Variants in ANK3 observed in about 807,000 individuals in gnomAD.
The protein encoded by ANK3 is ankyrin-3.
ANK3 carries 57 observed loss-of-function variants against 370.9 expected under a neutral mutation model. That is an observed-to-expected ratio of 0.15 (90% CI 0.12 to 0.19). The LOEUF is 0.19. Ranked by LOEUF, ANK3 falls within the 10% of genes least tolerant of loss-of-function variation. The probability of loss-of-function intolerance (pLI) is 1.00; values close to 1 mark genes in which losing one functional copy is unlikely to be tolerated. For synonymous variants in ANK3, 1,929 were observed against 1,946.3 expected, an observed-to-expected ratio of 0.99 and a Z score of 0.23; for missense variants, 4,439 against 5,302.1, an observed-to-expected ratio of 0.84 and a Z score of 5.06.
chr10:60,461,520 C>G (rs2064883688), intron 2 of ANK3, among the ~76,000 whole-genome samples: 1 of 151,928 alleles, frequency 6.6e-6, no homozygotes, highest in Non-Finnish European at 1.5e-5. Flanking sequence ...CAGGGTGGGC[C>G]CAATAATGCA....
chr10:60,501,923 T>C (rs1285732460), intron 2 of ANK3, among the ~76,000 whole-genome samples: 1 of 152,026 alleles, frequency 6.6e-6, no homozygotes, highest in Non-Finnish European at 1.5e-5. Context: ...GAGTTTGAGG[T>C]TGCAGTGAGC....
Position 60,075,658 on chromosome 10 carries a change from T to C in ANK3, c.5223A>G (p.Leu1741=). ...LINGCKATAT[L]QEKISSATNS... is the part of the protein sequence containing the mutation. The stretch of plus-strand genomic sequence containing the variant: ...TTGTAGCAGAAGAAATTTTTTCCTG[T>C]AACGTGGCAGTGGCTTTGCATCCAT... The change falls in exon 37 of 44, where the codon TTA becomes TTG. Residue 1741 remains leucine (L), a synonymous_variant. Coordinates refer to ENST00000280772, the MANE Select transcript of ANK3 (RefSeq NM_020987.5). 1 of 1,614,170 alleles carries C rather than the reference T, an allele frequency of 6.2e-7. No individual in the cohort carries two copies. Among genetic ancestry groups the C allele is most frequent in the Non-Finnish European group, 8.5e-7 (1 of 1,180,004 alleles).
At chr10:60,444,742 T>C (rs2064396976) in intron 2 of ANK3, among the ~76,000 whole-genome samples, 1 of 152,144 alleles carries the variant, frequency 6.6e-6, no homozygotes, top group African/African-American at 2.4e-5. Flanking sequence ...ATTCCTTTTT[T>C]CTTTAGTATG....
chr10:60,535,447 G>T (rs555892934), intron 2 of ANK3, among the ~76,000 whole-genome samples: 2 of 152,038 alleles, frequency 1.3e-5, no homozygotes, highest in Non-Finnish European at 2.9e-5. Context: ...TGAAGAGATC[G>T]TTATTTTCCC....
chr10:60,145,620 T>A (rs1175397365), intron 23 of ANK3, among the ~76,000 whole-genome samples: 1 of 152,278 alleles, frequency 6.6e-6, no homozygotes, highest in East Asian at 1.9e-4. Context: ...CATTTCAAAA[T>A]AAAACACAGT....
chr10:60,144,195 G>A (rs917377868), intron 23 of ANK3: 14 of 446,942 alleles, frequency 3.1e-5, no homozygotes, highest in Middle Eastern at 3.4e-4. Context: ...ACTGAGTTTC[G>A]GGGAGGCTGT....
chr10:60,556,998 A>G (rs1213320776), intron 2 of ANK3, among the ~76,000 whole-genome samples: 1 of 152,160 alleles, frequency 6.6e-6, no homozygotes, highest in East Asian at 1.9e-4. Flanking sequence ...ATGCCTGATG[A>G]TCTGAGGTGG....
At chr10:60,583,661 G>A (rs1462604575) in intron 2 of ANK3, among the ~76,000 whole-genome samples, 1 of 151,788 alleles carries the variant, frequency 6.6e-6, no homozygotes, top group East Asian at 1.9e-4. Flanking sequence ...TTGGCTCACT[G>A]CAACCTCCGC....
At chr10:60,637,673 T>C (rs1170652379) in intron 1 of ANK3, among the ~76,000 whole-genome samples, 1 of 152,182 alleles carries the variant, frequency 6.6e-6, no homozygotes, top group Non-Finnish European at 1.5e-5. Context: ...AAATAAATCA[T>C]GGAGCCTCTT....
At chr10:60,612,697 T>C (rs1183851579) in intron 2 of ANK3, among the ~76,000 whole-genome samples, 1 of 152,152 alleles carries the variant, frequency 6.6e-6, no homozygotes, top group East Asian at 1.9e-4. Context: ...TTCACCGTGT[T>C]AGCCAGGATG....
At position 60,070,577 on chromosome 10, in the gene ANK3, G is replaced by A. The variant is rs2082499002; in HGVS notation, c.10304C>T (p.Pro3435Leu). ...DGLTESDSKL[P>L]IQAMEIKKDI... ...TTTCTTAATTTCCATGGCTTGAATT[G>A]GGAGTTTAGAATCACTCTCTGTCAA... is the stretch of plus-strand genomic sequence containing the variant. Residue 3435 changes from proline to leucine, a missense_variant, in exon 37 of 44, where the codon CCA becomes CTA. Transcript: ENST00000280772. This position sits in a 1 kb window ranked among gnomAD's most constrained non-coding sequence, Gnocchi z 5.7. 1 of 1,613,986 alleles carries A rather than the reference G, an allele frequency of 6.2e-7. No homozygotes were observed. Among genetic ancestry groups the A allele is most frequent in the African/African-American group, 1.3e-5 (1 of 74,916 alleles).
At position 60,695,355 on chromosome 10, in the gene ANK3, C is replaced by T. The variant is rs1281430948; in HGVS notation, c.57+37908G>A. On this transcript the variant is annotated intron_variant, in intron 1 of 43. Coordinates refer to the ANK3 transcript ENST00000373827. ...TAGACAGATCAACGAGACAGAAAGT[C>T]AACAAGGATATCCAGGAATTGAACT... Among the ~76,000 whole-genome samples the T allele has an allele frequency of 1.1e-4, 16 of 152,160 alleles. 1 individual carries two copies. Among genetic ancestry groups the T allele is most frequent in the Admixed American group, 5.2e-4 (8 of 15,282 alleles).
At chr10:60,653,003 T>C (rs895374711) in intron 1 of ANK3, among the ~76,000 whole-genome samples, 1 of 152,162 alleles carries the variant, frequency 6.6e-6, no homozygotes, top group Admixed American at 6.5e-5. Context: ...GTGAAGTATC[T>C]TTTCTTCGGT....
At chr10:60,174,845 A>G (rs2095883014) in intron 18 of ANK3, among the ~76,000 whole-genome samples, 1 of 151,946 alleles carries the variant, frequency 6.6e-6, no homozygotes, top group East Asian at 1.9e-4. Context: ...AATCTATCTC[A>G]AGTAGCTGTG....
In ANK3 at chr10:60,389,502, C is replaced by A. The variant is rs981773418; in HGVS notation, c.37G>T (p.Asp13Tyr). 6.2e-7 allele frequency: 1 copy of A among 1,613,730 alleles called. No homozygotes were observed. Among genetic ancestry groups the A allele is most frequent in the Non-Finnish European group, 8.5e-7 (1 of 1,179,920 alleles). The change falls in exon 1 of 44, where the codon GAT becomes TAT. Residue 13 changes from aspartate (D) to tyrosine (Y), a missense_variant. Around this residue, in one of 13 missense-constraint regions of ANK3, gnomAD observed 54 missense variants for 52.7 expected, o/e 1.02. Transcript: ENST00000280772. Reference sequence around the variant, plus strand: ...TCTTCTTCAGCATTGATTTCTAAATCCCTGTTTTTCTTTAATTGTGAGGCT... The same window carrying A: ...TCTTCTTCAGCATTGATTTCTAAATACCTGTTTTTCTTTAATTGTGAGGCT... ...HAASQLKKNR[D>Y]LEINAEEEPE...
chr10:60,293,503 T>C (rs2041899655), intron 1 of ANK3, among the ~76,000 whole-genome samples: 1 of 152,172 alleles, frequency 6.6e-6, no homozygotes, highest in African/African-American at 2.4e-5. Flanking sequence ...ATCAAATAGA[T>C]AGAAAACTGA....
intron 8 of ANK3, among the ~76,000 whole-genome samples, chr10:60,222,190 T>C (rs2097071422): frequency 1.3e-5 from 2 of 152,212 alleles, no homozygotes; most frequent in Admixed American, 1.3e-4. Flanking sequence ...GCAGGAGGGA[T>C]GCCTCATCAG....
chr10:60,166,998 G>A (rs2095642118), intron 21 of ANK3, 102 bp from the exon 22 acceptor site: 1 of 966,928 alleles, frequency 1.0e-6, no homozygotes, highest in Non-Finnish European at 1.6e-6. Context: ...GAATGTATGT[G>A]TTGAATATCT....
At chr10:60,360,451 G>C (rs1349081812) in intron 1 of ANK3, among the ~76,000 whole-genome samples, 1 of 152,206 alleles carries the variant, frequency 6.6e-6, no homozygotes, top group Non-Finnish European at 1.5e-5. Flanking sequence ...GCTCATGCCT[G>C]TAGTCCCAGC....
Sources: gnomAD v4.1 joint callset for allele counts (sites outside exome capture counted in the v4.1 genomes callset) on GRCh38, gnomAD v4.1.1 for gene constraint, gnomAD v4.1.1 regional missense constraint, Gnocchi (gnomAD v3.1) non-coding constraint, MANE v1.5 for transcripts, NCBI Gene and HGNC (gene_info 2026-07-23, HGNC 2026-07-21) for gene names.